Variants in PCDH7 observed in about 807,000 individuals in gnomAD.
The protein encoded by PCDH7 is protocadherin-7.
Under a neutral mutation model 58.9 loss-of-function variants are expected in PCDH7, and 17 were observed. The ratio of observed to expected loss-of-function variants is 0.29; its 90% CI spans 0.20 to 0.43. The LOEUF (loss-of-function observed/expected upper bound fraction) is 0.43. PCDH7 is among the 20% of genes least tolerant of loss of function. PCDH7 has a pLI of 1.00. For missense variants in PCDH7, 1,274 were observed against 1,441.0 expected (o/e 0.88, Z 1.88); for synonymous variants, 664 against 616.4 (o/e 1.08, Z -1.14).
At chr4:30,874,250 G>A (rs1455425121) in intron 1 of PCDH7, among the ~76,000 whole-genome samples, 3 of 152,068 alleles carry the variant, frequency 2.0e-5, no homozygotes, top group Admixed American at 6.6e-5. Flanking sequence ...GCACACGTAT[G>A]TTTATTGCGG....
intron 1 of PCDH7, among the ~76,000 whole-genome samples, chr4:30,816,547 GT>G (rs552056565): frequency 0.14 from 20,834 of 147,124 alleles, 1,594 homozygotes; most frequent in Non-Finnish European, 0.16. Context: ...TTTGGAATGA[GT>G]TTTTTTTTTT....
At chr4:31,050,015 A>G (rs955183023) in intron 3 of PCDH7, among the ~76,000 whole-genome samples, 1 of 152,096 alleles carries the variant, frequency 6.6e-6, no homozygotes, top group Non-Finnish European at 1.5e-5. Flanking sequence ...GCAAAAATAC[A>G]AATGTCTACT....
intron 3 of PCDH7, among the ~76,000 whole-genome samples, chr4:31,113,762 C>A (rs1716630541): frequency 6.6e-6 from 1 of 151,852 alleles, no homozygotes; most frequent in African/African-American, 2.4e-5. Flanking sequence ...CTCTTAGGGA[C>A]CATCTGCCAT....
chr4:30,875,908 CAT>C (rs1453103584), intron 1 of PCDH7, among the ~76,000 whole-genome samples: 1 of 152,076 alleles, frequency 6.6e-6, no homozygotes, highest in Non-Finnish European at 1.5e-5. Flanking sequence ...TTTCTTCTGT[CAT>C]GTGAGATAGA....
At chr4:30,922,523 A>G (rs1743311370) in intron 2 of PCDH7, among the ~76,000 whole-genome samples, 1 of 152,152 alleles carries the variant, frequency 6.6e-6, no homozygotes. Context: ...AGATAATTAT[A>G]TATGACAAAC....
chr4:30,901,412 T>C (rs1740206187), intron 1 of PCDH7, among the ~76,000 whole-genome samples: 1 of 152,168 alleles, frequency 6.6e-6, no homozygotes, highest in Non-Finnish European at 1.5e-5. Context: ...ATTTCCCATT[T>C]TATTTTAGGG....
intron 1 of PCDH7, among the ~76,000 whole-genome samples, chr4:30,816,597 T>G (rs1214013117): frequency 6.6e-6 from 1 of 152,146 alleles, no homozygotes; most frequent in Non-Finnish European, 1.5e-5. Context: ...TTCATATGTT[T>G]ACAATGATAA....
chr4:30,935,053 T>A (rs1009949279), intron 2 of PCDH7, among the ~76,000 whole-genome samples: 3 of 152,162 alleles, frequency 2.0e-5, no homozygotes, highest in Non-Finnish European at 4.4e-5. Flanking sequence ...AGTATTACTT[T>A]ACTATATTCA....
intron 1 of PCDH7, among the ~76,000 whole-genome samples, chr4:30,794,133 A>G (rs1204270175): frequency 2.0e-5 from 3 of 152,218 alleles, no homozygotes; most frequent in East Asian, 1.9e-4. Context: ...AGCCAAAGAC[A>G]GTCATCTGCC....
intron 3 of PCDH7, among the ~76,000 whole-genome samples, chr4:30,971,895 G>A (rs977975984): frequency 6.6e-6 from 1 of 152,202 alleles, no homozygotes; most frequent in African/African-American, 2.4e-5. Context: ...CCAGGAGGTC[G>A]AGGCTGCATG....
At chr4:30,743,031 C>T (rs747697828) in intron 1 of PCDH7, among the ~76,000 whole-genome samples, 1 of 152,058 alleles carries the variant, frequency 6.6e-6, no homozygotes, top group Non-Finnish European at 1.5e-5. Context: ...AAATGTAAGA[C>T]ACTATAAAAA....
chr4:30,944,030 T>C (rs1746376696), intron 2 of PCDH7, among the ~76,000 whole-genome samples: 1 of 152,076 alleles, frequency 6.6e-6, no homozygotes, highest in Admixed American at 6.6e-5. Flanking sequence ...CCACTCAATA[T>C]TGAAGGAGCT....
intron 1 of PCDH7, among the ~76,000 whole-genome samples, chr4:30,905,094 T>C (rs1740745568): frequency 6.6e-6 from 1 of 152,198 alleles, no homozygotes; most frequent in African/African-American, 2.4e-5. Flanking sequence ...ATGGAGCATC[T>C]GTTTGAGTGG....
chr4:30,866,301 A>G (rs918391284), intron 1 of PCDH7, among the ~76,000 whole-genome samples: 1 of 152,086 alleles, frequency 6.6e-6, no homozygotes, highest in African/African-American at 2.4e-5. Context: ...TAACATATCT[A>G]CATTATTTCA....
Position 30,772,969 on chromosome 4 carries a change from T to A in PCDH7, c.70+48373T>A, listed in dbSNP as rs532365348. 4.6e-5 allele frequency among the ~76,000 whole-genome samples: 7 copies of A among 152,290 alleles called. 1 individual carries two copies. In the South Asian group the frequency reaches 1.5e-3, roughly 32 times the overall value. On this transcript the variant is annotated intron_variant, in intron 1 of 3. Transcript: ENST00000509759. Reference sequence around the variant, plus strand: ...CAGGCTGCAGTGCAGTAGCACAATCTCGGCTCACTGCAACCTCTGTCTCCC... The same window carrying A: ...CAGGCTGCAGTGCAGTAGCACAATCACGGCTCACTGCAACCTCTGTCTCCC...
chr4:30,847,948 G>A (rs895466057), intron 1 of PCDH7, among the ~76,000 whole-genome samples: 16 of 152,004 alleles, frequency 1.1e-4, no homozygotes, highest in African/African-American at 2.9e-4. Context: ...ACTATAAAAC[G>A]ATTTTCAAGA....
chr4:31,117,369 T>G (rs1010554541), intron 3 of PCDH7, among the ~76,000 whole-genome samples: 7 of 152,210 alleles, frequency 4.6e-5, no homozygotes, highest in Admixed American at 1.3e-4. Context: ...TTTTCTCTAG[T>G]TCCATTAAGG....
chr4:31,043,421 T>C (rs1262076372), intron 3 of PCDH7, among the ~76,000 whole-genome samples: 1 of 152,148 alleles, frequency 6.6e-6, no homozygotes, highest in Non-Finnish European at 1.5e-5. Flanking sequence ...AGTGTTCCTT[T>C]TTCTCCACAA....
intron 1 of PCDH7, among the ~76,000 whole-genome samples, chr4:30,903,180 T>C (rs1740454222): frequency 6.6e-6 from 1 of 152,114 alleles, no homozygotes; most frequent in South Asian, 2.1e-4. Flanking sequence ...AGTGAATTTA[T>C]TTTTCTCATT....
Sources: allele counts gnomAD v4.1 joint callset (sites outside exome capture counted in the v4.1 genomes callset), GRCh38; gene constraint gnomAD v4.1.1; transcripts MANE v1.5; gene names NCBI Gene and HGNC (gene_info 2026-07-23, HGNC 2026-07-21).